Variants in AK5 observed in about 807,000 individuals in gnomAD.
The protein encoded by AK5 is adenylate kinase 5.
In AK5, 27 loss-of-function variants were observed where a neutral mutation model predicts 69.5. The observed-to-expected ratio is 0.39, with a 90% CI of 0.29 to 0.54. The LOEUF (loss-of-function observed/expected upper bound fraction) is 0.54, where lower values mean the gene tolerates loss of function less well. Ranked by LOEUF, AK5 falls within the 20% of genes least tolerant of loss-of-function variation. AK5 has a pLI of 0.71. For missense variants in AK5, 531 were observed against 700.4 expected (o/e 0.76, Z 2.73); for synonymous variants, 260 against 244.4 (o/e 1.06, Z -0.60).
intron 5 of AK5, among the ~76,000 whole-genome samples, chr1:77,299,347 G>T (rs1180738492): frequency 6.9e-6 from 1 of 145,812 alleles, no homozygotes; most frequent in Non-Finnish European, 1.5e-5. Context: ...ATTTCAAGGA[G>T]CATTTAACAT....
At chr1:77,290,397 G>A (rs1008839269) in intron 2 of AK5, among the ~76,000 whole-genome samples, 6 of 152,266 alleles carry the variant, frequency 3.9e-5, no homozygotes, top group African/African-American at 7.2e-5. Context: ...TATTGCCATA[G>A]CTATGTTAAT....
chr1:77,475,945 G>A (rs531768630), intron 8 of AK5, among the ~76,000 whole-genome samples: 2 of 152,192 alleles, frequency 1.3e-5, no homozygotes, highest in South Asian at 2.1e-4. Context: ...ATGAAAAAAG[G>A]AACTTAGAGA....
rs1328336670 is a variant in AK5, at chr1:77,414,274, C to T, written c.982+3203C>T. 7.9e-5 allele frequency among the ~76,000 whole-genome samples: 12 copies of T among 152,256 alleles called. No individual in the cohort carries two copies. The East Asian group carries it at 1.3e-3, about 17-fold the overall frequency. On this transcript the variant is annotated intron_variant, in intron 7 of 13. Transcript: ENST00000354567. ...TTAATGAAAATAAAACTGTAAGCTACGCTGTAAGGGACAGGACAAGGGAGA... is the reference window on the plus strand; with the variant it reads ...TTAATGAAAATAAAACTGTAAGCTATGCTGTAAGGGACAGGACAAGGGAGA...
intron 5 of AK5, among the ~76,000 whole-genome samples, chr1:77,337,965 A>C (rs2815328): frequency 0.6 from 86,393 of 144,598 alleles, 26,671 homozygotes; most frequent in East Asian, 0.73. Context: ...TTTTCTTTTT[A>C]TTTTTTTTTT....
chr1:77,475,857 C>G (rs989211241), intron 8 of AK5, among the ~76,000 whole-genome samples: 3 of 152,050 alleles, frequency 2.0e-5, no homozygotes, highest in Non-Finnish European at 4.4e-5. Context: ...AATGGTGCTA[C>G]ATTTGGCATC....
intron 12 of AK5, among the ~76,000 whole-genome samples, chr1:77,527,513 C>T (rs894485541): frequency 1.3e-5 from 2 of 152,214 alleles, no homozygotes; most frequent in Non-Finnish European, 2.9e-5. Context: ...GACAGTTACA[C>T]TCAATGCTAA....
chr1:77,505,232 AGATAATCTCGAAGTTCTCT>A (rs1215552068), intron 10 of AK5, among the ~76,000 whole-genome samples: 1 of 152,232 alleles, frequency 6.6e-6, no homozygotes, highest in Non-Finnish European at 1.5e-5. Flanking sequence ...CTGCAAGCAC[AGATAATCTCGAAGTTCTCT>A]GACAAAGACA....
At chr1:77,419,484 C>A (rs1449178329) in intron 8 of AK5, among the ~76,000 whole-genome samples, 2 of 151,694 alleles carry the variant, frequency 1.3e-5, no homozygotes, top group African/African-American at 4.8e-5. Context: ...AGCCATGAAA[C>A]AAATACATGA....
At chr1:77,350,742 T>C (rs1487881982) in intron 6 of AK5, among the ~76,000 whole-genome samples, 1 of 152,206 alleles carries the variant, frequency 6.6e-6, no homozygotes, top group East Asian at 1.9e-4. Flanking sequence ...TTTCCCAGTT[T>C]AACCATTTTG....
At chr1:77,406,521 A>T (rs1314321553) in intron 6 of AK5, among the ~76,000 whole-genome samples, 2 of 152,092 alleles carry the variant, frequency 1.3e-5, no homozygotes, top group African/African-American at 4.8e-5. Context: ...TGTCCTAATG[A>T]TATCCTGTTT....
rs1660308310 is a variant in AK5, at chr1:77,559,325, CTA to C, written c.*657_*658del. Reference sequence around the variant, plus strand: ...CCAGGTTAGTCATCAGTAACCTTCTCTATTATTATTATTTTTTAGAAACTTGG... The same window carrying C: ...CCAGGTTAGTCATCAGTAACCTTCTCTTATTATTATTTTTTAGAAACTTGG... On this transcript the variant is annotated 3_prime_UTR_variant, in exon 14 of 14. Coordinates refer to ENST00000354567, the MANE Select transcript of AK5 (RefSeq NM_174858.3). 1 of 151,774 alleles carries C rather than the reference CTA, an allele frequency of 6.6e-6. No individual in the cohort carries two copies. The highest frequency in any genetic ancestry group is 1.9e-4 in the East Asian group (1 of 5,194). 9.4% of individuals were successfully genotyped at this position (151,774 alleles called of 1,614,324 possible). A position where few individuals can be genotyped will look rare whatever the true frequency, so the allele number is the denominator to read the frequency against.
At chr1:77,473,222 G>GTTTGT (rs1654631807) in intron 8 of AK5, among the ~76,000 whole-genome samples, 1 of 148,590 alleles carries the variant, frequency 6.7e-6, no homozygotes, top group African/African-American at 2.5e-5. Context: ...TTGGTGTTTT[G>GTTTGT]TTTGTTTTGT....
chr1:77,328,324 C>A (rs1189624886), intron 5 of AK5, among the ~76,000 whole-genome samples: 1 of 152,042 alleles, frequency 6.6e-6, no homozygotes, highest in Non-Finnish European at 1.5e-5. Flanking sequence ...CATAGTGAAA[C>A]CCTGTGTCTA....
intron 1 of AK5, among the ~76,000 whole-genome samples, chr1:77,285,787 A>AT (rs1048936491): frequency 2.0e-4 from 30 of 148,090 alleles, no homozygotes; most frequent in Middle Eastern, 3.4e-3. Context: ...TCAAATAGTA[A>AT]TTTTTTTTTT....
At chr1:77,348,909 C>T (rs1295195163) in intron 6 of AK5, among the ~76,000 whole-genome samples, 2 of 152,074 alleles carry the variant, frequency 1.3e-5, no homozygotes, top group Non-Finnish European at 2.9e-5. Flanking sequence ...TTACTGAGAA[C>T]ATGTGTAAGA....
intron 5 of AK5, among the ~76,000 whole-genome samples, chr1:77,303,089 A>G (rs1046336325): frequency 1.3e-5 from 2 of 152,202 alleles, no homozygotes; most frequent in African/African-American, 4.8e-5. Context: ...AGACACAATG[A>G]CACAGTAGCA....
chr1:77,372,215 T>A (rs1647133899), intron 6 of AK5, among the ~76,000 whole-genome samples: 1 of 152,184 alleles, frequency 6.6e-6, no homozygotes, highest in Non-Finnish European at 1.5e-5. Flanking sequence ...TACAGTGAAT[T>A]TTAGAAAAGT....
chr1:77,424,444 G>A (rs1001596333), intron 8 of AK5, among the ~76,000 whole-genome samples: 5 of 152,006 alleles, frequency 3.3e-5, no homozygotes, highest in African/African-American at 9.7e-5. Flanking sequence ...TTTTTGTGTA[G>A]ATGAGTCATG....
intron 8 of AK5, among the ~76,000 whole-genome samples, chr1:77,445,239 T>C (rs1652674394): frequency 6.6e-6 from 1 of 152,208 alleles, no homozygotes; most frequent in African/African-American, 2.4e-5. Flanking sequence ...GTATTATACA[T>C]TCCCACAAAC....
Sources: allele counts gnomAD v4.1 joint callset (sites outside exome capture counted in the v4.1 genomes callset), GRCh38; gene constraint gnomAD v4.1.1; transcripts MANE v1.5; gene names NCBI Gene and HGNC (gene_info 2026-07-23, HGNC 2026-07-21).